Variants in TRIM34 observed in about 807,000 individuals in gnomAD.
TRIM34 encodes the protein tripartite motif containing 34.
In TRIM34, 41 loss-of-function variants were observed where a neutral mutation model predicts 38.1. The ratio of observed to expected loss-of-function variants is 1.08; its 90% confidence interval spans 0.84 to 1.40. The LOEUF (loss-of-function observed/expected upper bound fraction) is 1.40. Among genes scored for constraint, TRIM34 ranks in the 40% most tolerant of loss-of-function variants. The pLI is 0.00. For missense variants in TRIM34, 556 were observed against 571.4 expected, an observed-to-expected ratio of 0.97 and a Z score of 0.27; for synonymous variants, 200 against 202.5, an observed-to-expected ratio of 0.99 and a Z score of 0.10.
Position 5,642,395 on chromosome 11 carries a change from T to C in TRIM34, c.774-11T>C. On this transcript the variant is annotated splice_polypyrimidine_tract_variant and intron_variant, in intron 5 of 7. Coordinates refer to ENST00000429814, the MANE Select transcript of TRIM34 (RefSeq NM_021616.6). Reference sequence around the variant, plus strand: ...GAGATGTGGGGGTCAAAAAATTTTTTTCATCCCTAGGAGTGAGATCTGGAG... The same window carrying C: ...GAGATGTGGGGGTCAAAAAATTTTTCTCATCCCTAGGAGTGAGATCTGGAG... The C allele has an allele frequency of 6.2e-7, 1 of 1,610,328 alleles. No individual in the cohort carries two copies. The highest frequency in any genetic ancestry group is 1.1e-5 in the South Asian group (1 of 90,706).
In TRIM34 at chr11:5,641,069, C is replaced by G. The variant is rs557532706; in HGVS notation, c.751-98C>G. 6 of 1,454,676 alleles carry G rather than the reference C, an allele frequency of 4.1e-6. No homozygotes were observed. The Admixed American group carries it at 1.3e-4, about 32-fold the overall frequency. The allele number at this position is 1,454,676 out of a possible 1,614,324, so 90.1% of individuals were successfully genotyped here. ...GTTGACATTTTCATATAACTCACTT[C>G]TGATTTTTCCATTTTTTTTCCTACT... is the stretch of plus-strand genomic sequence containing the variant. On this transcript the variant is annotated intron_variant, in intron 4 of 7. Transcript: ENST00000429814.
intron 4 of TRIM34, among the ~76,000 whole-genome samples, chr11:5,638,298 G>T (rs545298594): frequency 1.3e-5 from 2 of 152,182 alleles, no homozygotes; most frequent in Non-Finnish European, 2.9e-5. Context: ...GGGAAGAAAT[G>T]AGAATTAATA....
chr11:5,641,256 T>C (rs181181506), intron 5 of TRIM34, 67 bp downstream of exon 5: 181 of 1,610,022 alleles, frequency 1.1e-4, no homozygotes, highest in Middle Eastern at 9.9e-4. Context: ...ATTAGAGTTA[T>C]TTGGTGGTCA....
rs376868749 is a variant in TRIM34, at chr11:5,642,913, T to C, written c.901+70T>C. 34 of 1,592,684 alleles carry C rather than the reference T, an allele frequency of 2.1e-5. No individual in the cohort carries two copies. In the African/African-American group the frequency reaches 4.0e-4, roughly 19 times the overall value. On this transcript the variant is annotated intron_variant, in intron 7 of 7. Transcript: ENST00000429814. ...TCAGAAGTTTATGGTTTCAATGATA[T>C]CTTCTGATCTTAGCCTCATGCATTC...
At chr11:5,620,067 C>T (rs1486121419), upstream of TRIM34, 1 of 150,792 alleles carries the variant, frequency 6.6e-6, no homozygotes, top group African/African-American at 2.4e-5. Flanking sequence ...CCTGTCTCTA[C>T]ATTTTGGGGT....
Position 5,643,530 on chromosome 11 carries a change from C to A in TRIM34, c.1288C>A (p.Pro430Thr). 6.2e-7 allele frequency: 1 copy of A among 1,614,144 alleles called. No individual in the cohort carries two copies. The highest frequency in any genetic ancestry group is 8.5e-7 in the Non-Finnish European group (1 of 1,180,016). ...TTTGACTCTCTCCATGGCTGTGCCT[C>A]CCTGCCGTGTTGGGGTTTTCCTCGA... is the stretch of plus-strand genomic sequence containing the variant. ...EVLTLSMAVPPCRVGVFLDYE... is the reference protein window; with the variant it reads ...EVLTLSMAVPTCRVGVFLDYE... Residue 430 changes from proline to threonine, a missense_variant, in exon 8 of 8, where the codon CCC (proline) becomes ACC (threonine). By Grantham distance (38) the Pro-to-Thr change is conservative. Coordinates refer to ENST00000429814, the MANE Select transcript of TRIM34 (RefSeq NM_021616.6).
intron 2 of TRIM34, 86 bp from the exon 3 acceptor site, chr11:5,633,718 A>G: frequency 7.3e-7 from 1 of 1,377,702 alleles, no homozygotes. Flanking sequence ...TTTTTCTGGG[A>G]TCAACTTGAT....
rs759688780 is a variant in TRIM34 at position 5,643,304 on chromosome 11, C to T, written c.1062C>T (p.Asp354=). 1.1e-5 allele frequency: 17 copies of T among 1,613,738 alleles called. No homozygotes were observed. Among genetic ancestry groups the T allele is most frequent in the African/African-American group, 6.7e-5 (5 of 74,848 alleles). Reference sequence around the variant, plus strand: ...CTGGGAAACATTACTGGGAAGTGGACGTGTCCAAGAAAACTGCCTGGATCC... The same window carrying T: ...CTGGGAAACATTACTGGGAAGTGGATGTGTCCAAGAAAACTGCCTGGATCC... ...FSSGKHYWEV[D]VSKKTAWILG... Residue 354 remains aspartate, a synonymous_variant, in exon 8 of 8, where the codon GAC becomes GAT. Transcript: ENST00000429814.
At chr11:5,621,413 A>C (rs1848988294), upstream of TRIM34, among the ~76,000 whole-genome samples, 1 of 152,000 alleles carries the variant, frequency 6.6e-6, no homozygotes, top group Non-Finnish European at 1.5e-5. Flanking sequence ...CTTGTTAGCC[A>C]CTCCTGTTTA....
At chr11:5,623,937 A>G (rs948671847), upstream of TRIM34, among the ~76,000 whole-genome samples, 13 of 152,168 alleles carry the variant, frequency 8.5e-5, no homozygotes, top group Non-Finnish European at 1.9e-4. Context: ...AATGTGCTCT[A>G]CAGGAGGTAG....
At chr11:5,642,683 G>A (rs1850064488) in intron 6 of TRIM34, 134 bp from the exon 7 acceptor site, 10 of 1,324,184 alleles carry the variant, frequency 7.6e-6, no homozygotes, top group African/African-American at 4.1e-5. Flanking sequence ...CTAGGTCTCT[G>A]GTTTATCTTT....
intron 1 of TRIM34, among the ~76,000 whole-genome samples, chr11:5,631,109 C>G (rs1395666398): frequency 1.3e-5 from 2 of 152,176 alleles, no homozygotes; most frequent in Non-Finnish European, 2.9e-5. Flanking sequence ...AATCTGTGAT[C>G]TATGTGTAAT....
Position 5,642,823 on chromosome 11 carries a change from C to G in TRIM34, c.881C>G (p.Thr294Arg). 3 of 1,614,022 alleles carry G rather than the reference C, an allele frequency of 1.9e-6. No homozygotes were observed. The highest frequency in any genetic ancestry group is 1.7e-6 in the Non-Finnish European group (2 of 1,179,958). The change falls in exon 7 of 8, where the codon ACA becomes AGA. Residue 294 changes from threonine (T) to arginine (R), a missense_variant. Physicochemically the swap from Thr to Arg is moderately conservative, Grantham distance 71. Transcript: ENST00000429814. ...GAATCTTTTATTATTTCAGAACTGA[C>G]AGCTGTCCGGTGCTACTGGGGTAAG... ...SRMLQMFREL[T>R]AVRCYWVDVT...
chr11:5,629,661 G>C (rs765899052), intron 1 of TRIM34, among the ~76,000 whole-genome samples: 1 of 152,206 alleles, frequency 6.6e-6, no homozygotes, highest in Non-Finnish European at 1.5e-5. Context: ...AGGAGATATA[G>C]CATGCAGACA....
Position 5,643,230 on chromosome 11 carries a change from C to G in TRIM34, c.988C>G (p.Pro330Ala). 6.2e-7 allele frequency: 1 copy of G among 1,613,060 alleles called. No individual in the cohort carries two copies. Among genetic ancestry groups the G allele is most frequent in the Non-Finnish European group, 8.5e-7 (1 of 1,179,732 alleles). ...QRQVISVPIW[P>A]FQCYNYGVLG... ...ACAAGTGATATCTGTGCCAATTTGG[C>G]CTTTTCAGTGTTATAATTATGGTGT... The change falls in exon 8 of 8, where the codon CCT becomes GCT. Residue 330 changes from proline to alanine, a missense_variant. Pro to Ala is a conservative substitution (Grantham distance 27). Coordinates refer to ENST00000429814, the MANE Select transcript of TRIM34 (RefSeq NM_021616.6).
At chr11:5,640,300 C>T (rs1849951415) in intron 4 of TRIM34, among the ~76,000 whole-genome samples, 2 of 151,982 alleles carry the variant, frequency 1.3e-5, no homozygotes, top group African/African-American at 4.8e-5. Flanking sequence ...TCTTCTATTC[C>T]AAGTTTGTTA....
chr11:5,642,330 A>T, intron 5 of TRIM34, 76 bp from the exon 6 acceptor site: 1 of 1,319,530 alleles, frequency 7.6e-7, no homozygotes, highest in Non-Finnish European at 1.1e-6. Flanking sequence ...GATGTGAAGG[A>T]GATGAAACCA....
intron 1 of TRIM34, among the ~76,000 whole-genome samples, chr11:5,631,111 A>G (rs12226152): frequency 0.93 from 141,352 of 152,230 alleles, 65,831 homozygotes; most frequent in East Asian, 1. Flanking sequence ...TCTGTGATCT[A>G]TGTGTAATTC....
chr11:5,641,088 TCCTAC>T, intron 4 of TRIM34, 74 bp from the exon 5 acceptor site: 1 of 1,491,782 alleles, frequency 6.7e-7, no homozygotes, highest in Non-Finnish European at 9.0e-7. Context: ...CCATTTTTTT[TCCTAC>T]TGTTCTTCTT....
Sources: gnomAD v4.1 joint callset for allele counts (sites outside exome capture counted in the v4.1 genomes callset) on GRCh38, gnomAD v4.1.1 for gene constraint, MANE v1.5 for transcripts, NCBI Gene and HGNC (gene_info 2026-07-23, HGNC 2026-07-21) for gene names.